The following RNF111 variants were observed in gnomAD, a reference collection of about 807,000 sequenced individuals.
The protein encoded by RNF111 is ring finger protein 111.
In RNF111, 17 loss-of-function variants were observed where a neutral mutation model predicts 95.1. The observed-to-expected ratio is 0.18, with a 90% CI of 0.12 to 0.27. The LOEUF (loss-of-function observed/expected upper bound fraction) is 0.27, where lower values mean the gene tolerates loss of function less well. Among genes scored for constraint, RNF111 ranks in the 10% least tolerant of loss-of-function variants. RNF111 has a pLI of 1.00. For missense variants in RNF111, 1,189 were observed against 1,210.4 expected (o/e 0.98, Z 0.26); for synonymous variants, 440 against 414.8 (o/e 1.06, Z -0.74).
At chr15:58,993,184 G>A (rs2038896232) in intron 1 of RNF111, among the ~76,000 whole-genome samples, 1 of 151,230 alleles carries the variant, frequency 6.6e-6, no homozygotes, top group Admixed American at 6.6e-5. Context: ...AAAAGAAAAT[G>A]TTCAATTGTA....
chr15:58,991,623 A>G (rs1383798660), intron 1 of RNF111, among the ~76,000 whole-genome samples: 1 of 152,230 alleles, frequency 6.6e-6, no homozygotes, highest in Non-Finnish European at 1.5e-5. Flanking sequence ...TTCAATGACT[A>G]GAAAAAATCA....
At chr15:59,017,349 A>G (rs926483866) in intron 1 of RNF111, among the ~76,000 whole-genome samples, 1 of 152,222 alleles carries the variant, frequency 6.6e-6, no homozygotes, top group African/African-American at 2.4e-5. Flanking sequence ...ATTTAATAGC[A>G]TTGACAAAAA....
At chr15:59,004,058 A>G in intron 1 of RNF111, 1 of 569,336 alleles carries the variant, frequency 1.8e-6, no homozygotes, top group Non-Finnish European at 2.4e-6. Context: ...TCCTTGCCGT[A>G]GCTGAGTTGA....
intron 5 of RNF111, among the ~76,000 whole-genome samples, 172 bp from the exon 6 acceptor site, chr15:59,066,592 A>G (rs1210217884): frequency 6.6e-6 from 1 of 152,146 alleles, no homozygotes. Flanking sequence ...CTGTGCAACA[A>G]CAGCAAGACT....
chr15:59,085,380 G>A (rs1198357215), intron 9 of RNF111: 1 of 191,166 alleles, frequency 5.2e-6, no homozygotes, highest in African/African-American at 2.4e-5. Context: ...TTTTATCTTG[G>A]AAGGGAACTT....
At chr15:59,065,290 G>T (rs1207084113) in intron 5 of RNF111, among the ~76,000 whole-genome samples, 1 of 152,138 alleles carries the variant, frequency 6.6e-6, no homozygotes, top group Non-Finnish European at 1.5e-5. Flanking sequence ...ATAATATTTA[G>T]TTTGAGGAAG....
intron 2 of RNF111, among the ~76,000 whole-genome samples, chr15:59,042,355 G>C (rs996644774): frequency 6.6e-5 from 10 of 152,094 alleles, no homozygotes; most frequent in African/African-American, 2.4e-4. Flanking sequence ...TTGAACTTCT[G>C]AGCTCAAGTG....
Position 59,052,409 on chromosome 15 carries a change from G to GTAA in RNF111, c.986_988dup (p.Val329_Thr330insIle). On this transcript the variant is annotated inframe_insertion, in exon 3 of 14. Coordinates refer to ENST00000348370, the MANE Select transcript of RNF111 (RefSeq NM_017610.8). ...CTCAACTGACAGTGAAGTGGAGATTGTAACAGTTGGAGAAAGCTATCGGTG... is the reference window on the plus strand; with the variant it reads ...CTCAACTGACAGTGAAGTGGAGATTGTAATAACAGTTGGAGAAAGCTATCGGTG... 7 of 1,588,190 alleles carry GTAA rather than the reference G, an allele frequency of 4.4e-6. No homozygotes were observed. Among genetic ancestry groups the GTAA allele is most frequent in the Non-Finnish European group, 6.0e-6 (7 of 1,170,200 alleles).
At chr15:59,050,698 C>G (rs952104001) in intron 2 of RNF111, among the ~76,000 whole-genome samples, 1 of 152,214 alleles carries the variant, frequency 6.6e-6, no homozygotes, top group African/African-American at 2.4e-5. Flanking sequence ...ACCATCATTA[C>G]AATCAGTGCC....
chr15:59,054,184 G>A (rs1463047723), intron 3 of RNF111, among the ~76,000 whole-genome samples: 2 of 151,946 alleles, frequency 1.3e-5, no homozygotes, highest in Non-Finnish European at 2.9e-5. Context: ...TGATCCACCC[G>A]CCTCGGCCTC....
chr15:59,093,481 G>A (rs778935093), intron 13 of RNF111: 4 of 425,500 alleles, frequency 9.4e-6, no homozygotes, highest in Middle Eastern at 3.4e-4. Context: ...AAAATGCTGG[G>A]ATTACAGGCG....
rs1437459882 is a variant in RNF111 at position 59,063,351 on chromosome 15, A to T, written c.1367-3413A>T. Among the ~76,000 whole-genome samples, 4 of 152,172 alleles carry T rather than the reference A, an allele frequency of 2.6e-5. No homozygotes were observed. In the Middle Eastern group the frequency reaches 0.01, roughly 388 times the overall value. ...GTAGATCTTTTACCACGACTTTATT[A>T]TGTGTAAGACTGTTGAATGAATGAG... is the stretch of plus-strand genomic sequence containing the variant. On this transcript the variant is annotated intron_variant, in intron 5 of 13. Coordinates refer to ENST00000348370, the MANE Select transcript of RNF111 (RefSeq NM_017610.8).
At chr15:59,088,603 G>A (rs1368610213) in intron 10 of RNF111, among the ~76,000 whole-genome samples, 1 of 152,144 alleles carries the variant, frequency 6.6e-6, no homozygotes, top group Non-Finnish European at 1.5e-5. Context: ...ATGGAAGAAT[G>A]GTGCTGTATC....
chr15:58,997,258 G>A (rs907814349), intron 1 of RNF111, among the ~76,000 whole-genome samples: 1 of 152,142 alleles, frequency 6.6e-6, no homozygotes, highest in Admixed American at 6.5e-5. Context: ...TGCATCCAGA[G>A]TAGTGGTTCT....
chr15:59,035,057 C>T (rs1339828912), intron 2 of RNF111, among the ~76,000 whole-genome samples: 4 of 152,124 alleles, frequency 2.6e-5, no homozygotes, highest in Admixed American at 1.3e-4. Flanking sequence ...AGCAAAGTCA[C>T]GTCTTACATG....
intron 7 of RNF111, among the ~76,000 whole-genome samples, chr15:59,079,228 A>G (rs1049520078): frequency 1.3e-4 from 20 of 152,220 alleles, no homozygotes; most frequent in African/African-American, 4.3e-4. Context: ...ATGTTGTATA[A>G]TGATTACACA....
intron 2 of RNF111, among the ~76,000 whole-genome samples, chr15:59,034,448 T>G (rs2041071706): frequency 6.6e-6 from 1 of 152,236 alleles, no homozygotes; most frequent in Non-Finnish European, 1.5e-5. Flanking sequence ...TGGTTGAGTG[T>G]TCACTCTGTG....
intron 1 of RNF111, among the ~76,000 whole-genome samples, chr15:58,994,497 AGG>A (rs2038962382): frequency 2.3e-5 from 1 of 44,018 alleles, no homozygotes; most frequent in African/African-American, 9.0e-5. Context: ...TTTTTTTTTG[AGG>A]TGGAGTCTCG....
chr15:59,064,467 C>G (rs1159895445), intron 5 of RNF111, among the ~76,000 whole-genome samples: 3 of 140,104 alleles, frequency 2.1e-5, no homozygotes, highest in African/African-American at 8.2e-5. Flanking sequence ...ACCCGGGAGG[C>G]AGAGCTTGCA....
Sources: gnomAD v4.1 joint callset for allele counts (sites outside exome capture counted in the v4.1 genomes callset) on GRCh38, gnomAD v4.1.1 for gene constraint, MANE v1.5 for transcripts, NCBI Gene and HGNC (gene_info 2026-07-23, HGNC 2026-07-21) for gene names.